Variants in IL7 observed in about 807,000 individuals in gnomAD.
IL7 encodes the protein interleukin-7.
A neutral mutation model predicts 21.6 loss-of-function variants in IL7; 3 were observed. The ratio of observed to expected loss-of-function variants is 0.14; its 90% confidence interval spans 0.06 to 0.36. The LOEUF is 0.36. Among genes scored for constraint, IL7 ranks in the 10% least tolerant of loss-of-function variants. The pLI is 1.00. For missense variants in IL7, 175 were observed against 200.2 expected, an observed-to-expected ratio of 0.87 and a Z score of 0.76; for synonymous variants, 62 against 68.1, an observed-to-expected ratio of 0.91 and a Z score of 0.44.
At chr8:78,783,714 A>G (rs1466388444) in intron 2 of IL7, among the ~76,000 whole-genome samples, 1 of 152,184 alleles carries the variant, frequency 6.6e-6, no homozygotes, top group Non-Finnish European at 1.5e-5. Context: ...ATCAATTTCA[A>G]CTATATAACC....
At chr8:78,677,412 C>T (rs1000683795) in intron 4 of IL7, among the ~76,000 whole-genome samples, 5 of 151,520 alleles carry the variant, frequency 3.3e-5, no homozygotes, top group Admixed American at 1.3e-4. Context: ...AAATCTTAGG[C>T]GAAGAAAACT....
intron 3 of IL7, among the ~76,000 whole-genome samples, chr8:78,696,095 C>T (rs1252994870): frequency 1.3e-5 from 2 of 151,658 alleles, no homozygotes; most frequent in African/African-American, 4.8e-5. Flanking sequence ...AGTGCAGTGG[C>T]GTGATCTCGG....
intron 2 of IL7, among the ~76,000 whole-genome samples, chr8:78,789,533 G>A (rs1393495867): frequency 6.6e-6 from 1 of 152,080 alleles, no homozygotes; most frequent in Non-Finnish European, 1.5e-5. Flanking sequence ...ATAGGTGCTG[G>A]GGGAGAGATA....
rs946854670 is a variant in IL7, at chr8:78,735,496, G to A, written c.414+978C>T. ...AGCTAATTTTTGTATTTTTAGTAGA[G>A]ACGGGGTTTCACCATGTTGGCCAGG... On this transcript the variant is annotated intron_variant, in intron 5 of 5. Coordinates refer to ENST00000263851, the MANE Select transcript of IL7 (RefSeq NM_000880.4). Among the ~76,000 whole-genome samples the A allele has an allele frequency of 2.6e-5, 4 of 151,916 alleles. No homozygotes were observed. In the East Asian group the frequency reaches 5.8e-4, roughly 22 times the overall value.
At chr8:78,689,170 G>A (rs1285438761) in intron 3 of IL7, 1 of 1,299,190 alleles carries the variant, frequency 7.7e-7, no homozygotes, top group African/African-American at 1.5e-5. Context: ...ATTTTTTAAT[G>A]TCCGTTTCAA....
intron 3 of IL7, among the ~76,000 whole-genome samples, chr8:78,699,154 A>T (rs1810522040): frequency 1.3e-5 from 2 of 151,954 alleles, no homozygotes; most frequent in East Asian, 3.9e-4. Flanking sequence ...TAGCTACTGA[A>T]CTCCATGTGT....
In IL7 at chr8:78,760,410, A is replaced by G. The variant is rs1468225314; in HGVS notation, c.148-20328T>C. Reference sequence around the variant, plus strand: ...AGCAATGCATACACATTAGGAAAAAACTTGATGTCAGGCAGTTGGAGGGCT... The same window carrying G: ...AGCAATGCATACACATTAGGAAAAAGCTTGATGTCAGGCAGTTGGAGGGCT... On this transcript the variant is annotated intron_variant, in intron 2 of 5. Transcript: ENST00000263851. The G allele has an allele frequency of 3.7e-6, 6 of 1,601,234 alleles. No homozygotes were observed. In the Admixed American group the frequency reaches 1.0e-4, roughly 28 times the overall value.
chr8:78,761,231 A>T, intron 2 of IL7: 1 of 1,599,690 alleles, frequency 6.3e-7, no homozygotes, highest in Non-Finnish European at 8.5e-7. Flanking sequence ...GTCAAGTTCT[A>T]AAAGCAGTTG....
intron 3 of IL7, chr8:78,698,506 C>T: frequency 1.2e-6 from 2 of 1,605,776 alleles, no homozygotes; most frequent in Non-Finnish European, 1.7e-6. Flanking sequence ...AGCAGCCCCT[C>T]ATGCAGGGTA....
At chr8:78,709,730 A>G (rs1219846785) in intron 3 of IL7, among the ~76,000 whole-genome samples, 1 of 152,140 alleles carries the variant, frequency 6.6e-6, no homozygotes, top group Admixed American at 6.6e-5. Flanking sequence ...AAAAAAAAAA[A>G]AAAAAATTTC....
At chr8:78,762,388 G>C in intron 2 of IL7, 1 of 1,612,068 alleles carries the variant, frequency 6.2e-7, no homozygotes, top group Non-Finnish European at 8.5e-7. Context: ...GTCGGACTGC[G>C]TGCTCTTCCG....
chr8:78,765,509 A>T (rs1209430356), intron 2 of IL7, among the ~76,000 whole-genome samples: 4 of 152,152 alleles, frequency 2.6e-5, no homozygotes, highest in Non-Finnish European at 4.4e-5. Flanking sequence ...ACCCAATAAA[A>T]AATTGGCAAA....
chr8:78,737,217 A>G (rs1052829638), intron 4 of IL7, among the ~76,000 whole-genome samples: 2 of 152,154 alleles, frequency 1.3e-5, no homozygotes, highest in Admixed American at 6.5e-5. Flanking sequence ...CCAAGAGGTG[A>G]TATCAGTTTT....
intron 4 of IL7, among the ~76,000 whole-genome samples, chr8:78,679,933 C>T (rs995643684): frequency 2.0e-5 from 3 of 152,004 alleles, no homozygotes; most frequent in Non-Finnish European, 4.4e-5. Flanking sequence ...TAATTTGCTT[C>T]GGTAGATAAA....
At chr8:78,758,102 A>C (rs1458932160) in intron 2 of IL7, among the ~76,000 whole-genome samples, 1 of 152,052 alleles carries the variant, frequency 6.6e-6, no homozygotes, top group Non-Finnish European at 1.5e-5. Context: ...ACCCAGTCTC[A>C]GGTATGTCTT....
intron 3 of IL7, 81 bp downstream of exon 3, chr8:78,739,921 T>C: frequency 7.9e-7 from 1 of 1,264,598 alleles, no homozygotes; most frequent in Non-Finnish European, 1.0e-6. Flanking sequence ...AGTATTCATA[T>C]AATTGTCTAA....
At chr8:78,680,004 A>G (rs558988269) in intron 4 of IL7, among the ~76,000 whole-genome samples, 1 of 152,268 alleles carries the variant, frequency 6.6e-6, no homozygotes, top group Non-Finnish European at 1.5e-5. Flanking sequence ...CAAGAGTCAG[A>G]CTGTCTGAAT....
downstream of IL7, among the ~76,000 whole-genome samples, chr8:78,732,140 T>G (rs1308945672): frequency 6.6e-6 from 1 of 152,020 alleles, no homozygotes; most frequent in Non-Finnish European, 1.5e-5. Context: ...ATAACCTACT[T>G]AGAAAAGTCC....
At position 78,805,289 on chromosome 8, in the gene IL7, T is replaced by A. The variant is rs759505574; in HGVS notation, c.-367A>T. The A allele has an allele frequency of 5.5e-5, 11 of 200,532 alleles. No individual in the cohort carries two copies. The highest frequency in any genetic ancestry group is 7.0e-5 in the Non-Finnish European group (7 of 99,568). The allele number at this position is 200,532 out of a possible 1,614,324, so 12.4% of individuals were successfully genotyped here. Reference sequence around the variant, plus strand: ...GGCACCTGCTTCCCGCGCACCTGGATGAGGACCAGAGGAATTCGCGAATTT... The same window carrying A: ...GGCACCTGCTTCCCGCGCACCTGGAAGAGGACCAGAGGAATTCGCGAATTT... On this transcript the variant is annotated 5_prime_UTR_variant, in exon 1 of 6. Coordinates refer to ENST00000263851, the MANE Select transcript of IL7 (RefSeq NM_000880.4).
Sources: allele counts gnomAD v4.1 joint callset (sites outside exome capture counted in the v4.1 genomes callset), GRCh38; gene constraint gnomAD v4.1.1; transcripts MANE v1.5; gene names NCBI Gene and HGNC (gene_info 2026-07-23, HGNC 2026-07-21).